Variants in TRAPPC8 observed in about 807,000 individuals in gnomAD.
TRAPPC8 encodes general sporulation gene 1 homolog.
Under a neutral mutation model 174.3 loss-of-function variants are expected in TRAPPC8, and 54 were observed. That is an observed-to-expected ratio of 0.31 (90% confidence interval 0.25 to 0.39). TRAPPC8 has a LOEUF of 0.39. Among genes scored for constraint, TRAPPC8 ranks in the 10% least tolerant of loss-of-function variants. TRAPPC8 has a pLI of 1.00. For synonymous variants in TRAPPC8, 630 were observed against 579.9 expected (o/e 1.09, Z -1.24); for missense variants, 1,531 against 1,699.1 (o/e 0.90, Z 1.74).
At chr18:31,845,855 T>C (rs1178286354) in intron 26 of TRAPPC8, among the ~76,000 whole-genome samples, 1 of 152,172 alleles carries the variant, frequency 6.6e-6, no homozygotes, top group Non-Finnish European at 1.5e-5. Context: ...TACAGGGCCA[T>C]TGTTTGAATT....
chr18:31,873,396 A>T lies in TRAPPC8; in HGVS notation c.2062+34T>A, dbSNP rs767106899. On this transcript the variant is annotated intron_variant, in intron 14 of 28. Transcript: ENST00000283351. Reference sequence around the variant, plus strand: ...GAAAAGAAGTTTTTTTTAAATTGTCATTAGGTAATTAGGCTAAATAAAACT... The same window carrying T: ...GAAAAGAAGTTTTTTTTAAATTGTCTTTAGGTAATTAGGCTAAATAAAACT... The T allele has an allele frequency of 6.7e-6, 10 of 1,502,726 alleles. 1 individual carries two copies. The South Asian group carries it at 1.1e-4, about 16-fold the overall frequency. The allele number at this position is 1,502,726 out of a possible 1,614,324, so 93.1% of individuals were successfully genotyped here.
intron 14 of TRAPPC8, among the ~76,000 whole-genome samples, chr18:31,872,128 C>T (rs1458812257): frequency 6.6e-6 from 1 of 151,916 alleles, no homozygotes; most frequent in Non-Finnish European, 1.5e-5. Flanking sequence ...CATTCCCTAC[C>T]CTCCCAAGTC....
Position 31,916,287 on chromosome 18 carries a change from G to C in TRAPPC8, c.602C>G (p.Ala201Gly). The change falls in exon 4 of 29, where the codon GCA (alanine) becomes GGA (glycine). Residue 201 changes from alanine (A) to glycine (G), a missense_variant. Physicochemically the swap from Ala to Gly is moderately conservative, Grantham distance 60. Transcript: ENST00000283351. ...KYYVLLHDVSAGDEQRAESIY... is the reference protein window; with the variant it reads ...KYYVLLHDVSGGDEQRAESIY... Reference sequence around the variant, plus strand: ...AAAAACTTACCTCTGTTCATCTCCTGCACTTACATCATGTAAAAGTACATA... The same window carrying C: ...AAAAACTTACCTCTGTTCATCTCCTCCACTTACATCATGTAAAAGTACATA... 6.4e-7 allele frequency: 1 copy of C among 1,560,244 alleles called. No homozygotes were observed. The highest frequency in any genetic ancestry group is 2.4e-5 in the East Asian group (1 of 41,762).
intron 9 of TRAPPC8, among the ~76,000 whole-genome samples, chr18:31,904,384 T>C (rs1568117756): frequency 6.6e-6 from 1 of 152,158 alleles, no homozygotes; most frequent in African/African-American, 2.4e-5. Flanking sequence ...ACCCTGTCTC[T>C]ACTAAAAATA....
chr18:31,867,376 A>G, intron 17 of TRAPPC8, 26 bp downstream of exon 17: 1 of 1,497,604 alleles, frequency 6.7e-7, no homozygotes. Flanking sequence ...GAAAGGCATA[A>G]AGCAGAGAAA....
intron 19 of TRAPPC8, among the ~76,000 whole-genome samples, chr18:31,863,053 A>C (rs79261964): frequency 7.2e-4 from 9 of 12,540 alleles, no homozygotes; most frequent in African/African-American, 3.0e-3. Flanking sequence ...CTAGGTCTCA[A>C]AAAAAAAAAA....
chr18:31,844,491 C>T (rs1331636556), intron 26 of TRAPPC8: 1 of 152,036 alleles, frequency 6.6e-6, no homozygotes, highest in Admixed American at 6.6e-5. Context: ...ACTTATGTTA[C>T]ACTTCAGTAA....
At position 31,926,880 on chromosome 18, in the gene TRAPPC8, A is replaced by G. The variant is rs1282650994; in HGVS notation, c.352+4449T>C. Among the ~76,000 whole-genome samples, 2 of 152,212 alleles carry G rather than the reference A, an allele frequency of 1.3e-5. 1 individual carries two copies. The highest frequency in any genetic ancestry group is 2.9e-5 in the Non-Finnish European group (2 of 68,044). The stretch of plus-strand genomic sequence containing the variant: ...ATGAGATGGAGTGGAAAGGATAGAC[A>G]GTAATTAAGCCAAATCCTTATCAAT... On this transcript the variant is annotated intron_variant, in intron 2 of 28. Coordinates refer to ENST00000283351, the MANE Select transcript of TRAPPC8 (RefSeq NM_014939.5).
At chr18:31,853,659 A>G (rs888909567) in intron 22 of TRAPPC8, among the ~76,000 whole-genome samples, 190 bp downstream of exon 22, 3 of 152,208 alleles carry the variant, frequency 2.0e-5, no homozygotes, top group Non-Finnish European at 4.4e-5. Context: ...AAGATGTGGG[A>G]GGGAATTTAA....
Position 31,841,302 on chromosome 18 carries a change from T to A in TRAPPC8, c.3838-1845A>T, listed in dbSNP as rs138728530. 4.6e-3 allele frequency among the ~76,000 whole-genome samples: 705 copies of A among 152,238 alleles called. 1 individual carries two copies. Among genetic ancestry groups the A allele is most frequent in the African/African-American group, 0.016 (678 of 41,574 alleles). On this transcript the variant is annotated intron_variant, in intron 26 of 28. Coordinates refer to ENST00000283351, the MANE Select transcript of TRAPPC8 (RefSeq NM_014939.5). ...TGTTTTTTTTGTTTTAAATTTTTTATCTTTCCAATTGACAGCTTGTGGATA... is the reference window on the plus strand; with the variant it reads ...TGTTTTTTTTGTTTTAAATTTTTTAACTTTCCAATTGACAGCTTGTGGATA...
chr18:31,882,318 G>A (rs1166412672), intron 12 of TRAPPC8, among the ~76,000 whole-genome samples: 1 of 152,126 alleles, frequency 6.6e-6, no homozygotes, highest in Non-Finnish European at 1.5e-5. Flanking sequence ...ATGGATGGAG[G>A]TAGAGGCCAT....
intron 25 of TRAPPC8, among the ~76,000 whole-genome samples, chr18:31,847,820 T>C (rs985948279): frequency 6.6e-6 from 1 of 152,134 alleles, no homozygotes; most frequent in Non-Finnish European, 1.5e-5. Context: ...CCCATAGCCA[T>C]GGCTAATTCT....
chr18:31,859,078 G>A lies in TRAPPC8; in HGVS notation c.2746-1096C>T, dbSNP rs919535584. 3.3e-5 allele frequency among the ~76,000 whole-genome samples: 5 copies of A among 151,304 alleles called. No individual in the cohort carries two copies. The East Asian group carries it at 9.8e-4, about 30-fold the overall frequency. On this transcript the variant is annotated intron_variant, in intron 19 of 28. Coordinates refer to ENST00000283351, the MANE Select transcript of TRAPPC8 (RefSeq NM_014939.5). ...ACTGCACTCCAGCCTGGGTGACAGAGTGAGACCCCATCTCAAAAAACAAAC... is the reference window on the plus strand; with the variant it reads ...ACTGCACTCCAGCCTGGGTGACAGAATGAGACCCCATCTCAAAAAACAAAC...
intron 5 of TRAPPC8, among the ~76,000 whole-genome samples, chr18:31,912,859 G>A (rs1272745820): frequency 6.6e-6 from 1 of 152,096 alleles, no homozygotes; most frequent in Non-Finnish European, 1.5e-5. Context: ...CAGGCGCGGT[G>A]GCTCACACCT....
At chr18:31,906,445 C>T (rs1200368803) in intron 9 of TRAPPC8, among the ~76,000 whole-genome samples, 1 of 151,640 alleles carries the variant, frequency 6.6e-6, no homozygotes, top group Non-Finnish European at 1.5e-5. Context: ...AAAATAAATG[C>T]AAAACAAATG....
At chr18:31,859,946 G>GC (rs1451868926) in intron 19 of TRAPPC8, among the ~76,000 whole-genome samples, 4 of 151,830 alleles carry the variant, frequency 2.6e-5, no homozygotes, top group Admixed American at 1.3e-4. Flanking sequence ...AACCTGGGAG[G>GC]CAGAGGTTGC....
chr18:31,898,247 T>TAATCTGCAATTAGTTG (rs750540448), intron 10 of TRAPPC8, among the ~76,000 whole-genome samples: 100 of 152,318 alleles, frequency 6.6e-4, no homozygotes, highest in Non-Finnish European at 1.1e-3. Context: ...CAAATATTTT[T>TAATCTGCAATTAGTTG]AATCTGCAAT....
At chr18:31,867,851 C>T (rs891952913) in intron 16 of TRAPPC8, among the ~76,000 whole-genome samples, 1 of 151,922 alleles carries the variant, frequency 6.6e-6, no homozygotes, top group Non-Finnish European at 1.5e-5. Flanking sequence ...TGCACTCCAG[C>T]CTGGGTGACA....
At chr18:31,854,483 T>G (rs2033886401) in intron 21 of TRAPPC8, among the ~76,000 whole-genome samples, 1 of 152,138 alleles carries the variant, frequency 6.6e-6, no homozygotes. Context: ...TATTGATTTT[T>G]GGGGGGAGAT....
Sources: gnomAD v4.1 joint callset for allele counts (sites outside exome capture counted in the v4.1 genomes callset) on GRCh38, gnomAD v4.1.1 for gene constraint, MANE v1.5 for transcripts, NCBI Gene and HGNC (gene_info 2026-07-23, HGNC 2026-07-21) for gene names.